The following SETX variants were observed in gnomAD, a reference collection of about 807,000 sequenced individuals.
SETX encodes senataxin, also known as helicase senataxin.
SETX carries 90 observed loss-of-function variants against 227.2 expected under a neutral mutation model. That is an observed-to-expected ratio of 0.40 (90% CI 0.33 to 0.47). SETX has a LOEUF of 0.47. Among genes scored for constraint, SETX ranks in the 20% least tolerant of loss-of-function variants. The pLI is 0.91. For synonymous variants in SETX, 1,210 were observed against 1,113.2 expected (o/e 1.09, Z -1.73); for missense variants, 3,052 against 3,181.5 (o/e 0.96, Z 0.98).
rs1175851657 is a variant in SETX, at chr9:132,288,281, C to T, written c.6279G>A (p.Glu2093=). 1.2e-6 allele frequency: 2 copies of T among 1,614,104 alleles called. No homozygotes were observed. The highest frequency in any genetic ancestry group is 1.3e-5 in the African/African-American group (1 of 74,942). The change falls in exon 17 of 26, where the codon GAG becomes GAA. Residue 2093 remains glutamate, a synonymous_variant. Transcript: ENST00000224140. ...GGCATAGAGCTCGCTGCCGGGAAAG[C>T]TCATCCAGCTGATAATCTAGAAATT... is the stretch of plus-strand genomic sequence containing the variant. ...RKEFLDYQLD[E]LSRQRALCRG...
At chr9:132,333,556 G>GA (rs1386200813) in intron 7 of SETX, among the ~76,000 whole-genome samples, 3 of 151,450 alleles carry the variant, frequency 2.0e-5, no homozygotes, top group Admixed American at 6.6e-5. Flanking sequence ...AGAATGAGGG[G>GA]AAAAAATTAT....
At chr9:132,319,316 C>G (rs892787908) in intron 10 of SETX, among the ~76,000 whole-genome samples, 1 of 152,198 alleles carries the variant, frequency 6.6e-6, no homozygotes, top group Non-Finnish European at 1.5e-5. Context: ...CTAAAGATTA[C>G]TCTCCACAGC....
chr9:132,298,255 G>T lies in SETX; in HGVS notation c.5606C>A (p.Ala1869Asp). The stretch of plus-strand genomic sequence containing the variant: ...ACAATTCACAAGTTCGTTTAAATTG[G>T]CCGGAAAGTTCTCTTGAGTCTGGAT... ...LSIQTQENFP[A>D]NLNELVNCIV... The change falls in exon 13 of 26, where the codon GCC becomes GAC. Residue 1869 changes from alanine (A) to aspartate (D), a missense_variant. By Grantham distance (126) the Ala-to-Asp change is moderately radical. This residue lies in a region of SETX where 239 missense variants were observed against 272.1 expected (regional missense o/e 0.88). Transcript: ENST00000224140. 4 of 1,614,100 alleles carry T rather than the reference G, an allele frequency of 2.5e-6. No homozygotes were observed. The highest frequency in any genetic ancestry group is 3.4e-6 in the Non-Finnish European group (4 of 1,180,002).
rs577157360 is a variant in SETX at position 132,285,484 on chromosome 9, C to T, written c.6396+939G>A. On this transcript the variant is annotated intron_variant, in intron 18 of 25. Coordinates refer to ENST00000224140, the MANE Select transcript of SETX (RefSeq NM_015046.7). ...ATAGCTGGCCAGGCATGGTGGCTCA[C>T]GCCTGTAATGCCAACACTTTGGGAG... Among the ~76,000 whole-genome samples the T allele has an allele frequency of 2.6e-5, 4 of 152,264 alleles. No individual in the cohort carries two copies. The East Asian group carries it at 5.8e-4, about 22-fold the overall frequency.
intron 2 of SETX, among the ~76,000 whole-genome samples, chr9:132,352,489 C>T (rs964210911): frequency 2.0e-5 from 3 of 152,194 alleles, no homozygotes; most frequent in African/African-American, 7.2e-5. Context: ...CAGTGGCTCA[C>T]ACCTGTAATT....
rs112634176 is a variant in SETX at position 132,293,515 on chromosome 9, G to A, written c.6106+2357C>T. Among the ~76,000 whole-genome samples the A allele has an allele frequency of 8.2e-3, 1,240 of 152,074 alleles. 20 individuals carry two copies. Among genetic ancestry groups the A allele is most frequent in the African/African-American group, 0.028 (1,158 of 41,516 alleles). On this transcript the variant is annotated intron_variant, in intron 15 of 25. Transcript: ENST00000224140. ...CGGCTCACTGCAACCTCCACTTCCCGGGTTCAAGTGATTCTCCCGCCTCAG... is the reference window on the plus strand; with the variant it reads ...CGGCTCACTGCAACCTCCACTTCCCAGGTTCAAGTGATTCTCCCGCCTCAG...
At chr9:132,298,907 G>A (rs1243008124) in intron 12 of SETX, among the ~76,000 whole-genome samples, 1 of 152,100 alleles carries the variant, frequency 6.6e-6, no homozygotes, top group Non-Finnish European at 1.5e-5. Flanking sequence ...TGGGCACTCT[G>A]TGTAGGGAAA....
At chr9:132,340,368 C>T (rs12352764) in intron 5 of SETX, among the ~76,000 whole-genome samples, 8,270 of 152,240 alleles carry the variant, frequency 0.054, 376 homozygotes, top group East Asian at 0.17. Flanking sequence ...CCTAATATAT[C>T]TGCTTCTACT....
chr9:132,326,560 T>A lies in SETX; in HGVS notation c.5038A>T (p.Lys1680Ter), dbSNP rs769219966. ...ACTGGAGAGGAAGATGGAAAATATT[T>A]GCTTTCACCAAATGGAACTTTGCAA... Reference protein sequence around the residue: ...QGCKVPFGESKYFPSSSPVNI... With the variant: ...QGCKVPFGES The change falls in exon 10 of 26, where the codon AAA becomes TAA. Residue 1680 changes from lysine (K) to a stop codon, truncating the protein, a stop_gained. Coordinates refer to ENST00000224140, the MANE Select transcript of SETX (RefSeq NM_015046.7). LOFTEE classifies it high-confidence loss of function. The A allele has an allele frequency of 6.2e-7, 1 of 1,614,224 alleles. No individual in the cohort carries two copies.
At chr9:132,295,139 T>A (rs1844594547) in intron 15 of SETX, among the ~76,000 whole-genome samples, 1 of 152,244 alleles carries the variant, frequency 6.6e-6, no homozygotes, top group Non-Finnish European at 1.5e-5. Flanking sequence ...TAATTTCACA[T>A]CTTCACTTTA....
intron 4 of SETX, 52 bp from the exon 5 acceptor site, chr9:132,342,851 T>G (rs762175675): frequency 7.5e-7 from 1 of 1,342,052 alleles, no homozygotes; most frequent in Non-Finnish European, 1.1e-6. Flanking sequence ...CTTATCAAGA[T>G]TCCCTAAATT....
intron 15 of SETX, among the ~76,000 whole-genome samples, chr9:132,289,631 AG>A (rs1844165559): frequency 6.6e-6 from 1 of 152,212 alleles, no homozygotes; most frequent in Non-Finnish European, 1.5e-5. Context: ...TGTAATTTTC[AG>A]AACAGAATCT....
At chr9:132,346,786 T>TAAA (rs34471360) in intron 3 of SETX, among the ~76,000 whole-genome samples, 4 of 143,742 alleles carry the variant, frequency 2.8e-5, no homozygotes, top group Non-Finnish European at 6.1e-5. Flanking sequence ...ACCCTGTCAC[T>TAAA]AAAAAAAAAA....
At position 132,311,968 on chromosome 9, in the gene SETX, G is replaced by A. The variant is rs148740969; in HGVS notation, c.5275-112C>T. ...AAAATCCAGAAGCTAGAATCTAGGT[G>A]ACAAAAACTAAAAATTGATTCACGG... On this transcript the variant is annotated intron_variant, in intron 10 of 25. Transcript: ENST00000224140. The A allele has an allele frequency of 2.0e-5, 17 of 839,932 alleles. No homozygotes were observed. In the East Asian group the frequency reaches 4.3e-4, roughly 21 times the overall value. 52.0% of individuals were successfully genotyped at this position (839,932 alleles called of 1,614,324 possible).
At position 132,296,011 on chromosome 9, in the gene SETX, A is replaced by G; in HGVS notation, c.5967T>C (p.His1989=). The change falls in exon 15 of 26, where the codon CAT becomes CAC. Residue 1989 remains histidine (H), a synonymous_variant. Transcript: ENST00000224140. ...RLLTENQRKG[H]SDENSNAKIK... Reference sequence around the variant, plus strand: ...TTTTGGCATTGGAGTTTTCGTCTGAATGCCCCTTCCTCTGGTTCTACAATT... The same window carrying G: ...TTTTGGCATTGGAGTTTTCGTCTGAGTGCCCCTTCCTCTGGTTCTACAATT... 1 of 1,614,212 alleles carries G rather than the reference A, an allele frequency of 6.2e-7. No homozygotes were observed. The highest frequency in any genetic ancestry group is 2.2e-5 in the East Asian group (1 of 44,888).
intron 22 of SETX, among the ~76,000 whole-genome samples, chr9:132,276,106 C>T (rs1302864247): frequency 1.3e-5 from 2 of 152,148 alleles, no homozygotes; most frequent in African/African-American, 4.8e-5. Context: ...TGCACTGCCC[C>T]ATCCCTTGAT....
At chr9:132,281,693 T>A (rs1027215894) in intron 19 of SETX, 119 bp from the exon 20 acceptor site, 10 of 759,844 alleles carry the variant, frequency 1.3e-5, no homozygotes, top group African/African-American at 1.1e-4. Flanking sequence ...GCACCAAATA[T>A]CAAAAATACA....
intron 11 of SETX, among the ~76,000 whole-genome samples, chr9:132,308,164 T>G (rs546808953): frequency 6.6e-6 from 1 of 152,164 alleles, no homozygotes; most frequent in Non-Finnish European, 1.5e-5. Flanking sequence ...AATTAGTGAC[T>G]AAGTACAAGC....
chr9:132,310,316 T>C (rs1222853600), intron 11 of SETX, among the ~76,000 whole-genome samples: 3 of 152,258 alleles, frequency 2.0e-5, no homozygotes, highest in Non-Finnish European at 2.9e-5. Flanking sequence ...GCTGGTGGAA[T>C]ATAATTTTGT....
Sources: allele counts gnomAD v4.1 joint callset (sites outside exome capture counted in the v4.1 genomes callset), GRCh38; gene constraint gnomAD v4.1.1; regional missense constraint gnomAD v4.1.1; transcripts MANE v1.5; gene names NCBI Gene and HGNC (gene_info 2026-07-23, HGNC 2026-07-21).